The following MIA2 variants were observed in gnomAD, a reference collection of about 807,000 sequenced individuals.
MIA2 encodes the protein MIA SH3 domain ER export factor 2.
A neutral mutation model predicts 167.8 loss-of-function variants in MIA2; 127 were observed. The observed-to-expected ratio is 0.76, with a 90% CI of 0.66 to 0.88. The LOEUF (loss-of-function observed/expected upper bound fraction) is 0.88, where lower values mean the gene tolerates loss of function less well. Ranked by LOEUF, MIA2 falls within the 40% of genes least tolerant of loss-of-function variation. The pLI is 0.00. For synonymous variants in MIA2, 552 were observed against 541.9 expected, an observed-to-expected ratio of 1.02 and a Z score of -0.26; for missense variants, 1,690 against 1,624.7, an observed-to-expected ratio of 1.04 and a Z score of -0.69.
At chr14:39,262,756 T>C (rs1052651988) in intron 6 of MIA2, among the ~76,000 whole-genome samples, 1 of 152,234 alleles carries the variant, frequency 6.6e-6, no homozygotes, top group African/African-American at 2.4e-5. Context: ...GATTCCTAGG[T>C]ATTTTATTCT....
intron 23 of MIA2, chr14:39,386,120 G>T (rs2075269775): frequency 1.2e-5 from 16 of 1,301,420 alleles, no homozygotes; most frequent in Non-Finnish European, 1.7e-5. Context: ...ATCAAGCATT[G>T]GTCATCTGAC....
intron 7 of MIA2, among the ~76,000 whole-genome samples, chr14:39,278,198 A>G (rs1433918608): frequency 6.6e-6 from 1 of 152,054 alleles, no homozygotes; most frequent in South Asian, 2.1e-4. Context: ...TCCTGGCCTC[A>G]AGTGATCTGC....
intron 10 of MIA2, 57 bp from the exon 11 acceptor site, chr14:39,293,214 G>C: frequency 1.7e-6 from 2 of 1,161,040 alleles, no homozygotes; most frequent in African/African-American, 1.5e-5. Context: ...ATGCTCGTCT[G>C]ATTTCCCTAA....
intron 6 of MIA2, chr14:39,266,631 G>A (rs916541194): frequency 2.0e-6 from 2 of 985,400 alleles, no homozygotes; most frequent in African/African-American, 1.7e-5. Flanking sequence ...TCCAAAGTCC[G>A]GACGTGGTTG....
intron 17 of MIA2, among the ~76,000 whole-genome samples, chr14:39,306,901 G>A (rs1446338336): frequency 6.6e-6 from 1 of 152,078 alleles, no homozygotes; most frequent in East Asian, 1.9e-4. Flanking sequence ...TATGTTAGAA[G>A]AGAAACGAGG....
chr14:39,378,395 A>C (rs1325281763), intron 23 of MIA2, among the ~76,000 whole-genome samples: 1 of 152,194 alleles, frequency 6.6e-6, no homozygotes, highest in Non-Finnish European at 1.5e-5. Context: ...GAGTGCTGGA[A>C]GTTTTCCTCT....
intron 25 of MIA2, among the ~76,000 whole-genome samples, chr14:39,340,808 T>C (rs1413290270): frequency 6.6e-6 from 1 of 152,232 alleles, no homozygotes; most frequent in Non-Finnish European, 1.5e-5. Flanking sequence ...TAAATTCTAA[T>C]GATTATTCAG....
At chr14:39,275,357 T>TCTCAAACTCCTGGC (rs1446929997) in intron 6 of MIA2, among the ~76,000 whole-genome samples, 2 of 152,144 alleles carry the variant, frequency 1.3e-5, no homozygotes, top group Non-Finnish European at 2.9e-5. Flanking sequence ...GCCAGGCTGG[T>TCTCAAACTCCTGGC]CTCAAACTCC....
At chr14:39,241,973 T>A (rs573295471) in intron 3 of MIA2, among the ~76,000 whole-genome samples, 1 of 152,310 alleles carries the variant, frequency 6.6e-6, no homozygotes. Context: ...CTATTTCTTC[T>A]GGTTGGAATG....
intron 9 of MIA2, among the ~76,000 whole-genome samples, chr14:39,286,359 C>G (rs1335909792): frequency 2.0e-5 from 3 of 151,840 alleles, no homozygotes; most frequent in Admixed American, 6.5e-5. Flanking sequence ...GCAGGAGAAT[C>G]AGGCAGGGAG....
chr14:39,249,660 C>A (rs914151434), intron 4 of MIA2, among the ~76,000 whole-genome samples: 3 of 152,110 alleles, frequency 2.0e-5, no homozygotes, highest in African/African-American at 7.2e-5. Context: ...TATCTAGCAA[C>A]TTCTATGATT....
rs563199731 is a variant in MIA2, at chr14:39,245,286, T to A, written c.337-1625T>A. On this transcript the variant is annotated intron_variant, in intron 3 of 28. Transcript: ENST00000640607. ...AGGTTTTCATGCTTTAGAGCAGAGG[T>A]GTCCAATCTTTTGGTTTCCCTGGGC... is the stretch of plus-strand genomic sequence containing the variant. Among the ~76,000 whole-genome samples the A allele has an allele frequency of 6.6e-5, 10 of 152,228 alleles. No individual in the cohort carries two copies. In the South Asian group the frequency reaches 2.1e-3, roughly 31 times the overall value.
intron 23 of MIA2, among the ~76,000 whole-genome samples, chr14:39,359,793 C>G (rs1299491611): frequency 6.6e-6 from 1 of 152,176 alleles, no homozygotes; most frequent in Non-Finnish European, 1.5e-5. Flanking sequence ...GATAAACACA[C>G]AAGTGCAGGC....
At chr14:39,297,666 C>CGTGTGTGTGTGT (rs71435638) in intron 13 of MIA2, among the ~76,000 whole-genome samples, 28,976 of 139,730 alleles carry the variant, frequency 0.21, 2,726 homozygotes, top group East Asian at 0.23. Flanking sequence ...TAGGGTTTTG[C>CGTGTGTGTGTGT]GTGTGTGTGT....
chr14:39,286,038 G>T (rs557473570), intron 9 of MIA2, among the ~76,000 whole-genome samples: 2 of 152,164 alleles, frequency 1.3e-5, no homozygotes, highest in East Asian at 3.9e-4. Flanking sequence ...CTTCCCAGAC[G>T]GGGTGGCGGC....
At chr14:39,302,018 G>C in intron 14 of MIA2, 111 bp from the exon 15 acceptor site, 1 of 1,208,830 alleles carries the variant, frequency 8.3e-7, no homozygotes, top group Non-Finnish European at 1.1e-6. Context: ...GAGCTCTTGT[G>C]TTGTTATTTA....
chr14:39,300,970 A>G (rs2062348903), intron 14 of MIA2, among the ~76,000 whole-genome samples: 1 of 149,734 alleles, frequency 6.7e-6, no homozygotes, highest in Non-Finnish European at 1.5e-5. Flanking sequence ...ATACACATAT[A>G]TACACATATA....
At chr14:39,361,352 T>C (rs578231882) in intron 23 of MIA2, among the ~76,000 whole-genome samples, 1 of 152,128 alleles carries the variant, frequency 6.6e-6, no homozygotes, top group Non-Finnish European at 1.5e-5. Flanking sequence ...TGTGAAGGCC[T>C]TTCACCTCCT....
chr14:39,342,403 G>C (rs2072139849), intron 25 of MIA2, among the ~76,000 whole-genome samples: 1 of 152,056 alleles, frequency 6.6e-6, no homozygotes, highest in Admixed American at 6.5e-5. Context: ...TCTTAATCCA[G>C]TCTATCGTTG....
Sources: gnomAD v4.1 joint callset for allele counts (sites outside exome capture counted in the v4.1 genomes callset) on GRCh38, gnomAD v4.1.1 for gene constraint, MANE v1.5 for transcripts, NCBI Gene and HGNC (gene_info 2026-07-23, HGNC 2026-07-21) for gene names.